ADGRB3: variants seen among roughly 807,000 people sequenced by gnomAD.
ADGRB3 encodes the protein adhesion G protein-coupled receptor B3, also known as brain-specific angiogenesis inhibitor 3.
ADGRB3 carries 37 observed loss-of-function variants against 193.4 expected under a neutral mutation model. The ratio of observed to expected loss-of-function variants is 0.19; its 90% CI spans 0.15 to 0.25. The LOEUF (loss-of-function observed/expected upper bound fraction) is 0.25. ADGRB3 is among the 10% of genes least tolerant of loss of function. The pLI, the probability that ADGRB3 is intolerant of heterozygous loss-of-function variation, is 1.00. For missense variants in ADGRB3, 1,637 were observed against 1,852.9 expected (o/e 0.88, Z 2.14); for synonymous variants, 690 against 644.2 (o/e 1.07, Z -1.08).
chr6:69,271,249 G>T (rs557823605), intron 20 of ADGRB3, among the ~76,000 whole-genome samples: 1 of 152,278 alleles, frequency 6.6e-6, no homozygotes, highest in South Asian at 2.1e-4. Context: ...TGAGAGGACT[G>T]GTTGGCAGAG....
At chr6:69,293,534 A>G (rs1767739015) in intron 20 of ADGRB3, among the ~76,000 whole-genome samples, 2 of 152,112 alleles carry the variant, frequency 1.3e-5, no homozygotes, top group South Asian at 4.1e-4. Flanking sequence ...CAAATTTAGA[A>G]TTTTCAGACT....
chr6:69,169,579 A>G (rs1229763030), intron 17 of ADGRB3, among the ~76,000 whole-genome samples: 2 of 150,600 alleles, frequency 1.3e-5, no homozygotes, highest in African/African-American at 4.8e-5. Flanking sequence ...ATTTAATTAT[A>G]AATTAAATGA....
At chr6:68,677,491 T>C (rs2746138) in intron 3 of ADGRB3, among the ~76,000 whole-genome samples, 14,351 of 151,186 alleles carry the variant, frequency 0.095, 863 homozygotes, top group Middle Eastern at 0.14. Flanking sequence ...AATAGTATCA[T>C]AGGAATTTTT....
intron 13 of ADGRB3, among the ~76,000 whole-genome samples, chr6:69,038,495 T>C (rs1271169840): frequency 1.3e-5 from 2 of 152,232 alleles, no homozygotes; most frequent in African/African-American, 2.4e-5. Context: ...CCTAAGGCAT[T>C]TCCCATATTG....
At chr6:68,879,156 T>C (rs1420418935) in intron 3 of ADGRB3, among the ~76,000 whole-genome samples, 1 of 151,400 alleles carries the variant, frequency 6.6e-6, no homozygotes, top group East Asian at 1.9e-4. Flanking sequence ...AAATAGGTGC[T>C]CCAATAATGT....
chr6:68,800,031 G>A (rs1321745679), intron 3 of ADGRB3, among the ~76,000 whole-genome samples: 1 of 152,126 alleles, frequency 6.6e-6, no homozygotes, highest in Non-Finnish European at 1.5e-5. Context: ...CATGCTGTCT[G>A]TTGAGTTTAT....
intron 31 of ADGRB3, among the ~76,000 whole-genome samples, chr6:69,383,757 A>G (rs1770002462): frequency 6.6e-6 from 1 of 152,046 alleles, no homozygotes; most frequent in South Asian, 2.1e-4. Context: ...TAGGTTAAGA[A>G]GCACCTTATA....
At chr6:68,970,756 CAT>C (rs1768537961) in intron 8 of ADGRB3, among the ~76,000 whole-genome samples, 1 of 152,194 alleles carries the variant, frequency 6.6e-6, no homozygotes, top group Non-Finnish European at 1.5e-5. Context: ...AGGCCCAACA[CAT>C]GTGAGGTAAG....
At chr6:68,712,554 A>C (rs774509613) in intron 3 of ADGRB3, among the ~76,000 whole-genome samples, 3 of 151,988 alleles carry the variant, frequency 2.0e-5, no homozygotes, top group Non-Finnish European at 4.4e-5. Flanking sequence ...GTATGAAAAG[A>C]TGTTTTGTGA....
intron 15 of ADGRB3, among the ~76,000 whole-genome samples, chr6:69,060,458 C>G (rs1771716155): frequency 6.6e-6 from 1 of 152,052 alleles, no homozygotes; most frequent in South Asian, 2.1e-4. Flanking sequence ...CAGGGAGCTT[C>G]ATAAATATCT....
At chr6:69,067,709 T>C (rs1398737010) in intron 16 of ADGRB3, among the ~76,000 whole-genome samples, 1 of 152,142 alleles carries the variant, frequency 6.6e-6, no homozygotes, top group East Asian at 1.9e-4. Flanking sequence ...TCTTGGTAAC[T>C]TTTATGGAGA....
chr6:68,899,733 G>A (rs139522247), intron 3 of ADGRB3, among the ~76,000 whole-genome samples: 1,579 of 151,794 alleles, frequency 0.01, 25 homozygotes, highest in African/African-American at 0.036. Context: ...CAAACTGTAG[G>A]CCAAATGGAC....
intron 17 of ADGRB3, among the ~76,000 whole-genome samples, chr6:69,177,423 C>T (rs1281098367): frequency 6.6e-6 from 1 of 151,946 alleles, no homozygotes; most frequent in Non-Finnish European, 1.5e-5. Context: ...GTGGCGCCGT[C>T]TCGGCTCACT....
chr6:68,946,662 A>G lies in ADGRB3; in HGVS notation c.1195+2668A>G, dbSNP rs553627515. ...AGTGTGGACAAGAGGAGGACAGAAG[A>G]AACATGTAAAACCACAAACTGTGTC... On this transcript the variant is annotated intron_variant, in intron 6 of 31. Coordinates refer to ENST00000370598, the MANE Select transcript of ADGRB3 (RefSeq NM_001704.3). Among the ~76,000 whole-genome samples, 23 of 152,270 alleles carry G rather than the reference A, an allele frequency of 1.5e-4. No homozygotes were observed. The East Asian group carries it at 4.0e-3, about 27-fold the overall frequency.
At position 69,370,407 on chromosome 6, in the gene ADGRB3, C is replaced by T. The variant is rs1274439587; in HGVS notation, c.4240-1999C>T. Among the ~76,000 whole-genome samples the T allele has an allele frequency of 3.9e-5, 6 of 152,250 alleles. No individual in the cohort carries two copies. The East Asian group carries it at 7.7e-4, about 20-fold the overall frequency. ...GCTTTACTGCTTTATTTTGCATCCACTCCAAATCCCACCACCATCTTTAGG... is the reference window on the plus strand; with the variant it reads ...GCTTTACTGCTTTATTTTGCATCCATTCCAAATCCCACCACCATCTTTAGG... On this transcript the variant is annotated intron_variant, in intron 29 of 31. Transcript: ENST00000370598.
At chr6:68,707,134 T>A (rs2127313441) in intron 3 of ADGRB3, among the ~76,000 whole-genome samples, 1 of 150,136 alleles carries the variant, frequency 6.7e-6, no homozygotes, top group Non-Finnish European at 1.5e-5. Flanking sequence ...AAAAAAAGAT[T>A]GTTTTGATGG....
intron 17 of ADGRB3, among the ~76,000 whole-genome samples, chr6:69,099,844 A>G (rs1007489715): frequency 1.3e-5 from 2 of 152,208 alleles, no homozygotes; most frequent in African/African-American, 4.8e-5. Context: ...ACCTGTACCA[A>G]GTGAGCCAGG....
At chr6:69,164,829 T>A (rs1395157885) in intron 17 of ADGRB3, among the ~76,000 whole-genome samples, 2 of 152,138 alleles carry the variant, frequency 1.3e-5, no homozygotes, top group African/African-American at 4.8e-5. Context: ...TTCCATTGTC[T>A]GTTTTCTCTA....
At chr6:68,711,707 A>G (rs1361849247) in intron 3 of ADGRB3, among the ~76,000 whole-genome samples, 1 of 152,132 alleles carries the variant, frequency 6.6e-6, no homozygotes, top group East Asian at 1.9e-4. Flanking sequence ...CTTCAAAAGC[A>G]TGCTTGATGG....
Sources: allele counts gnomAD v4.1 joint callset (sites outside exome capture counted in the v4.1 genomes callset), GRCh38; gene constraint gnomAD v4.1.1; transcripts MANE v1.5; gene names NCBI Gene and HGNC (gene_info 2026-07-23, HGNC 2026-07-21).